Variants in BRIP1 observed in about 807,000 individuals in gnomAD.
BRIP1 encodes the protein BRCA1 interacting DNA helicase 1.
A neutral mutation model predicts 119.7 loss-of-function variants in BRIP1; 88 were observed. The observed-to-expected ratio is 0.74, with a 90% CI of 0.62 to 0.88. The LOEUF is 0.88. Among genes scored for constraint, BRIP1 ranks in the 40% least tolerant of loss-of-function variants. The pLI, the probability that BRIP1 is intolerant of heterozygous loss-of-function variation, is 0.00. For synonymous variants in BRIP1, 443 were observed against 496.5 expected (o/e 0.89, Z 1.43); for missense variants, 1,259 against 1,455.4 (o/e 0.87, Z 2.20).
Position 61,699,769 on chromosome 17 carries a change from G to T in BRIP1, c.2493-6257C>A, listed in dbSNP as rs1323683248. On this transcript the variant is annotated intron_variant, in intron 17 of 19. Coordinates refer to ENST00000259008, the MANE Select transcript of BRIP1 (RefSeq NM_032043.3). This position sits in a 1 kb window ranked among gnomAD's most constrained non-coding sequence, Gnocchi z 4.8. ...GTCTCACTGTGCCTGAACTGTTTGA[G>T]TAAACAATATATTAATGCTGAATAC... 6.6e-6 allele frequency among the ~76,000 whole-genome samples: 1 copy of T among 152,308 alleles called. No individual in the cohort carries two copies. The highest frequency in any genetic ancestry group is 1.9e-4 in the East Asian group (1 of 5,186).
In BRIP1 at chr17:61,799,855, T is replaced by C. The variant is rs1016072445; in HGVS notation, c.1141-556A>G. ...TCCAACATGGGAGTTGGAGAATTGT[T>C]CTTCTCCAACTCCCATGTGATGCTG... On this transcript the variant is annotated intron_variant, in intron 8 of 19. Transcript: ENST00000259008. This position sits in a 1 kb window ranked among gnomAD's most constrained non-coding sequence, Gnocchi z 5.1. Among the ~76,000 whole-genome samples, 1 of 152,076 alleles carries C rather than the reference T, an allele frequency of 6.6e-6. No homozygotes were observed. The highest frequency in any genetic ancestry group is 2.4e-5 in the African/African-American group (1 of 41,432).
rs2077083127 is a variant in BRIP1, at chr17:61,748,082, A to T, written c.2098-3491T>A. 6.6e-6 allele frequency among the ~76,000 whole-genome samples: 1 copy of T among 152,100 alleles called. No homozygotes were observed. Among genetic ancestry groups the T allele is most frequent in the South Asian group, 2.1e-4 (1 of 4,818 alleles). ...CAGGGGTCCCCAACCCCCAGGCCAC[A>T]GAATACTGGTAGAATCCAGGCTGCA... On this transcript the variant is annotated intron_variant, in intron 14 of 19. Transcript: ENST00000259008. This position sits in a 1 kb window ranked among gnomAD's most constrained non-coding sequence, Gnocchi z 4.7.
chr17:61,804,804 T>C lies in BRIP1; in HGVS notation c.919-3330A>G, dbSNP rs2078048965. ...TTAGTCTAACAAGGTTCAGCAATAA[T>C]TTGAATTTCTTCTTTTAGGTTATCT... On this transcript the variant is annotated intron_variant, in intron 7 of 19. Coordinates refer to ENST00000259008, the MANE Select transcript of BRIP1 (RefSeq NM_032043.3). The surrounding 1 kb of genome is among the most constrained non-coding windows in gnomAD (Gnocchi z 4.5). 6.6e-6 allele frequency among the ~76,000 whole-genome samples: 1 copy of C among 152,006 alleles called. No individual in the cohort carries two copies. The highest frequency in any genetic ancestry group is 2.1e-4 in the South Asian group (1 of 4,828).
chr17:61,700,301 A>C lies in BRIP1; in HGVS notation c.2493-6789T>G, dbSNP rs191881787. Among the ~76,000 whole-genome samples, 5 of 152,272 alleles carry C rather than the reference A, an allele frequency of 3.3e-5. No homozygotes were observed. The highest frequency in any genetic ancestry group is 2.6e-4 in the Admixed American group (4 of 15,294). ...TAACTTTGTGGGTATTCTTTATTTC[A>C]TCGTGTGCATCTGACTTACTTCCTA... On this transcript the variant is annotated intron_variant, in intron 17 of 19. Transcript: ENST00000259008. This position sits in a 1 kb window ranked among gnomAD's most constrained non-coding sequence, Gnocchi z 4.1.
chr17:61,826,008 C>G (rs576506663), intron 6 of BRIP1, among the ~76,000 whole-genome samples: 1 of 152,224 alleles, frequency 6.6e-6, no homozygotes, highest in Admixed American at 6.5e-5. Flanking sequence ...AACTATACTA[C>G]GTGGCTACAG....
rs145955331 is a variant in BRIP1 at position 61,848,145 on chromosome 17, C to T, written c.508-925G>A. Reference sequence around the variant, plus strand: ...TACCCAGTTACTTACCTACAAATAACATCCTAATTAATAATTTTTTTATTT... The same window carrying T: ...TACCCAGTTACTTACCTACAAATAATATCCTAATTAATAATTTTTTTATTT... On this transcript the variant is annotated intron_variant, in intron 5 of 19. Transcript: ENST00000259008. This position sits in a 1 kb window ranked among gnomAD's most constrained non-coding sequence, Gnocchi z 4.3. 0.041 allele frequency among the ~76,000 whole-genome samples: 6,202 copies of T among 152,068 alleles called. 179 individuals carry two copies. The highest frequency in any genetic ancestry group is 0.064 in the Non-Finnish European group (4,347 of 67,972).
In BRIP1 at chr17:61,708,023, T is replaced by C. The variant is rs2061719105; in HGVS notation, c.2492+7928A>G. The stretch of plus-strand genomic sequence containing the variant: ...CACCATACCTGGCTAATTTTTGTAT[T>C]TTTAGTAGAGATGGGGTTTCACCAT... On this transcript the variant is annotated intron_variant, in intron 17 of 19. Transcript: ENST00000259008. The surrounding 1 kb of genome is among the most constrained non-coding windows in gnomAD (Gnocchi z 4.4). Among the ~76,000 whole-genome samples the C allele has an allele frequency of 1.3e-5, 2 of 152,060 alleles. No individual in the cohort carries two copies. Among genetic ancestry groups the C allele is most frequent in the Non-Finnish European group, 2.9e-5 (2 of 68,024 alleles).
rs2061759643 is a variant in BRIP1, at chr17:61,710,828, G to A, written c.2492+5123C>T. On this transcript the variant is annotated intron_variant, in intron 17 of 19. Coordinates refer to ENST00000259008, the MANE Select transcript of BRIP1 (RefSeq NM_032043.3). This position sits in a 1 kb window ranked among gnomAD's most constrained non-coding sequence, Gnocchi z 5.4. The stretch of plus-strand genomic sequence containing the variant: ...GGCTGAGGCAGGTGGATCATCTGAG[G>A]TCAGGAGTTTGAGACCAGCCTGTCC... Among the ~76,000 whole-genome samples, 1 of 152,078 alleles carries A rather than the reference G, an allele frequency of 6.6e-6. No homozygotes were observed. Among genetic ancestry groups the A allele is most frequent in the South Asian group, 2.1e-4 (1 of 4,824 alleles).
At chr17:61,765,410 TATATATATATATA>T (rs1219666524) in intron 14 of BRIP1, among the ~76,000 whole-genome samples, 48 of 17,352 alleles carry the variant, frequency 2.8e-3, no homozygotes, top group African/African-American at 4.5e-3. Context: ...TATATATATA[TATATATATATATA>T]TTTTTTTTTT....
rs771028677 is a variant in BRIP1, at chr17:61,684,052, C to CTTTG, written c.2990_2993dup (p.Lys998AsnfsTer5). 1.2e-6 allele frequency: 2 copies of CTTTG among 1,613,690 alleles called. No individual in the cohort carries two copies. The highest frequency in any genetic ancestry group is 1.7e-6 in the Non-Finnish European group (2 of 1,179,886). On this transcript the variant is annotated frameshift_variant, in exon 20 of 20. Transcript: ENST00000259008. LOFTEE classifies it low-confidence loss of function (END_TRUNC). This position sits in a 1 kb window ranked among gnomAD's most constrained non-coding sequence, Gnocchi z 4.5. ...AATTAAAGCTTGACCAGCTAACTCT[C>CTTTG]TTTGTTTGTTTGTTGAAAGTTGGGC...
rs144969738 is a variant in BRIP1 at position 61,847,133 on chromosome 17, G to A, written c.595C>T (p.Leu199=). The A allele has an allele frequency of 1.7e-5, 27 of 1,613,682 alleles. No homozygotes were observed. The African/African-American group carries it at 2.5e-4, about 15-fold the overall frequency. ...SGKTVKLNSP[L]EKINSFSPQK... ...GGCGAAAAGGAGTTTATCTTTTCCA[G>A]TGGAGAGTTGAGTTTTACAGTCTTT... The change falls in exon 6 of 20, where the codon CTG becomes TTG. Residue 199 remains leucine (L), a synonymous_variant. Transcript: ENST00000259008.
In BRIP1 at chr17:61,680,625, G is replaced by A. The variant is rs1325228903; in HGVS notation, c.*2671C>T. ...CTCCTGAGTAGCTGGGACTACAGGC[G>A]CCCGCCACCACGCCTGGCTAATTTT... On this transcript the variant is annotated 3_prime_UTR_variant, in exon 20 of 20. Coordinates refer to ENST00000259008, the MANE Select transcript of BRIP1 (RefSeq NM_032043.3). Among the ~76,000 whole-genome samples the A allele has an allele frequency of 2.0e-5, 3 of 151,386 alleles. No homozygotes were observed. Among genetic ancestry groups the A allele is most frequent in the Non-Finnish European group, 4.4e-5 (3 of 67,808 alleles).
At chr17:61,750,910 A>G (rs2077123439) in intron 14 of BRIP1, among the ~76,000 whole-genome samples, 1 of 152,210 alleles carries the variant, frequency 6.6e-6, no homozygotes, top group African/African-American at 2.4e-5. Flanking sequence ...CTGCTGAGGA[A>G]AACAGTCTGG....
At chr17:61,747,661 T>C (rs1265296677) in intron 14 of BRIP1, among the ~76,000 whole-genome samples, 1 of 152,094 alleles carries the variant, frequency 6.6e-6, no homozygotes, top group African/African-American at 2.4e-5. Flanking sequence ...AGGACCTAAA[T>C]GGCCTCAATA....
intron 6 of BRIP1, among the ~76,000 whole-genome samples, chr17:61,833,640 C>T (rs145797181): frequency 0.046 from 6,831 of 148,460 alleles, 365 homozygotes; most frequent in South Asian, 0.27. Context: ...CACTGCACTC[C>T]AGCCTGGGTG....
chr17:61,857,512 T>C lies in BRIP1; in HGVS notation c.206-281A>G, dbSNP rs2078915015. On this transcript the variant is annotated intron_variant, in intron 3 of 19. Coordinates refer to ENST00000259008, the MANE Select transcript of BRIP1 (RefSeq NM_032043.3). This position sits in a 1 kb window ranked among gnomAD's most constrained non-coding sequence, Gnocchi z 5.1. ...GCCGAGGCAGGCACATCAATTGAAG[T>C]CAGGAGTTTGAGACCAGCCTGGCCA... 6.6e-6 allele frequency among the ~76,000 whole-genome samples: 1 copy of C among 152,086 alleles called. No individual in the cohort carries two copies. Among genetic ancestry groups the C allele is most frequent in the Non-Finnish European group, 1.5e-5 (1 of 68,008 alleles).
chr17:61,859,763 T>A, intron 3 of BRIP1, 33 bp downstream of exon 3: 1 of 1,362,510 alleles, frequency 7.3e-7, no homozygotes, highest in African/African-American at 1.4e-5. Flanking sequence ...CAGATCCCAG[T>A]AAGTAACCTG....
In BRIP1 at chr17:61,799,331, T is replaced by C. The variant is rs368614548; in HGVS notation, c.1141-32A>G. The C allele has an allele frequency of 5.2e-6, 8 of 1,551,878 alleles. No individual in the cohort carries two copies. The highest frequency in any genetic ancestry group is 4.5e-5 in the East Asian group (2 of 44,440). On this transcript the variant is annotated intron_variant, in intron 8 of 19. Transcript: ENST00000259008. This position sits in a 1 kb window ranked among gnomAD's most constrained non-coding sequence, Gnocchi z 5.1. ...GATAAAAGAATTTTCTTGTAAAACA[T>C]TTGGCAAAATAGATTTAACAACAGC...
At chr17:61,858,102 AAATAT>A (rs554933441) in intron 3 of BRIP1, among the ~76,000 whole-genome samples, 101 of 152,288 alleles carry the variant, frequency 6.6e-4, no homozygotes, top group Middle Eastern at 3.4e-3. Flanking sequence ...TTTTAGTGCT[AAATAT>A]AATACCAAAT....
Sources: gnomAD v4.1 joint callset for allele counts (sites outside exome capture counted in the v4.1 genomes callset) on GRCh38, gnomAD v4.1.1 for gene constraint, Gnocchi (gnomAD v3.1) non-coding constraint, MANE v1.5 for transcripts, NCBI Gene and HGNC (gene_info 2026-07-23, HGNC 2026-07-21) for gene names.